IL13RA1: variants seen among roughly 807,000 people sequenced by gnomAD.
IL13RA1 encodes interleukin 13 receptor subunit alpha 1, also known as interleukin-13 receptor subunit alpha-1.
A neutral mutation model predicts 33.8 loss-of-function variants in IL13RA1; 14 were observed. The observed-to-expected ratio is 0.41, with a 90% CI of 0.27 to 0.65. The LOEUF is 0.65. Ranked by LOEUF, IL13RA1 falls within the 30% of genes least tolerant of loss-of-function variation. The probability of loss-of-function intolerance (pLI) is 0.28; values close to 1 mark genes in which losing one functional copy is unlikely to be tolerated. For missense variants in IL13RA1, 313 were observed against 327.0 expected (o/e 0.96, Z 0.33); for synonymous variants, 116 against 115.7 (o/e 1.00, Z -0.02).
chrX:118,727,849 T>G, intron 1 of IL13RA1, 123 bp downstream of exon 1: 1 of 269,953 alleles, frequency 3.7e-6, no homozygotes, highest in Non-Finnish European at 6.2e-6. Context: ...TGCTGGGGGC[T>G]GCCCTCGCGA....
the IL13RA1 span, among the ~76,000 whole-genome samples, chrX:118,802,130 A>G: frequency 1.9e-3 from 215 of 110,694 alleles, 1 homozygote; most frequent in Non-Finnish European, 3.6e-3. Flanking sequence ...GTTGCCGTAC[A>G]CTCTGCCTGC....
intron 9 of IL13RA1, among the ~76,000 whole-genome samples, chrX:118,775,345 A>G (rs1386233102): frequency 1.1e-4 from 12 of 111,336 alleles, no homozygotes; most frequent in African/African-American, 3.3e-4. Context: ...CACGCAGGCC[A>G]TGGCAAGGAA....
At position 118,749,745 on chromosome X, in the gene IL13RA1, C is replaced by A. The variant is rs201663916; in HGVS notation, c.455C>A (p.Thr152Asn). The A allele has an allele frequency of 1.1e-4, 128 of 1,157,807 alleles. No homozygotes were observed. Among genetic ancestry groups the A allele is most frequent in the Non-Finnish European group, 1.5e-4 (128 of 848,003 alleles). Residue 152 changes from threonine to asparagine, a missense_variant, in exon 4 of 11, where the codon ACC (threonine) becomes AAC (asparagine). Physicochemically the swap from Thr to Asn is moderately conservative, Grantham distance 65. Transcript: ENST00000371666. ...TGTTCTTGGCTCCCTGGAAGGAATACCAGTCCCGACACTAACTATACTCTC... is the reference window on the plus strand; with the variant it reads ...TGTTCTTGGCTCCCTGGAAGGAATAACAGTCCCGACACTAACTATACTCTC... ...MKCSWLPGRN[T>N]SPDTNYTLYY...
chrX:118,744,904 A>G (rs2017386564), intron 2 of IL13RA1, among the ~76,000 whole-genome samples: 1 of 111,968 alleles, frequency 8.9e-6, no homozygotes, highest in Non-Finnish European at 1.9e-5. Context: ...GATGTCTTCA[A>G]AGGGCAAATA....
chrX:118,769,662 A>G (rs1180703745), intron 8 of IL13RA1: 1 of 112,925 alleles, frequency 8.9e-6, no homozygotes, highest in Non-Finnish European at 1.9e-5. Context: ...AATAGTATTT[A>G]AAACTAGTTA....
At position 118,773,897 on chromosome X, in the gene IL13RA1, C is replaced by T. The variant is rs1322248112; in HGVS notation, c.1028C>T (p.Thr343Ile). The change falls in exon 9 of 11, where the codon ACA becomes ATA. Residue 343 changes from threonine (T) to isoleucine (I), a missense_variant. Coordinates refer to ENST00000371666, the MANE Select transcript of IL13RA1 (RefSeq NM_001560.3). ...TCTCCAGGTAAGAAGCGCAATTCCA[C>T]ACTCTACATAACCATGTTACTCATT... Reference protein sequence around the residue: ...EMSIGKKRNSTLYITMLLIVP... With the variant: ...EMSIGKKRNSILYITMLLIVP... 3 of 1,032,471 alleles carry T rather than the reference C, an allele frequency of 2.9e-6. No individual in the cohort carries two copies. In the East Asian group the frequency reaches 9.1e-5, roughly 31 times the overall value. 85.1% of individuals were successfully genotyped at this position (1,032,471 alleles called of 1,213,427 possible).
chrX:118,800,772 G>A, the IL13RA1 span, among the ~76,000 whole-genome samples: 3 of 110,557 alleles, frequency 2.7e-5, no homozygotes, highest in Non-Finnish European at 3.8e-5. Flanking sequence ...GCCCAGCTAA[G>A]TTTCATTCAT....
intron 10 of IL13RA1, among the ~76,000 whole-genome samples, chrX:118,781,020 C>T (rs962267035): frequency 7.2e-5 from 8 of 111,615 alleles, no homozygotes; most frequent in Non-Finnish European, 1.3e-4. Context: ...TAAAGTTACT[C>T]GTGTTTTGAT....
chrX:118,735,334 A>G (rs1014852258), intron 1 of IL13RA1, among the ~76,000 whole-genome samples: 2 of 109,552 alleles, frequency 1.8e-5, no homozygotes, highest in Non-Finnish European at 3.8e-5. Context: ...AATCTTCATT[A>G]TTTCCTTCCT....
Position 118,752,745 on chromosome X carries a change from A to G in IL13RA1, c.488+2967A>G, listed in dbSNP as rs180720056. ...GTTGTGAATGTTTGGTAGGATCCAAAGCTAGAGAATATTCAGGGTTGCGGT... is the reference window on the plus strand; with the variant it reads ...GTTGTGAATGTTTGGTAGGATCCAAGGCTAGAGAATATTCAGGGTTGCGGT... On this transcript the variant is annotated intron_variant, in intron 4 of 10. Coordinates refer to ENST00000371666, the MANE Select transcript of IL13RA1 (RefSeq NM_001560.3). Among the ~76,000 whole-genome samples, 24 of 112,447 alleles carry G rather than the reference A, an allele frequency of 2.1e-4. No homozygotes were observed. The East Asian group carries it at 5.6e-3, about 26-fold the overall frequency.
At chrX:118,730,827 G>C (rs764892989) in intron 1 of IL13RA1, among the ~76,000 whole-genome samples, 1 of 112,063 alleles carries the variant, frequency 8.9e-6, no homozygotes, top group East Asian at 2.8e-4. Flanking sequence ...GGGCACAACA[G>C]AGCATATTTG....
At chrX:118,803,052 C>G in the IL13RA1 span, among the ~76,000 whole-genome samples, 1 of 112,335 alleles carries the variant, frequency 8.9e-6, no homozygotes, top group Non-Finnish European at 1.9e-5. Context: ...TGTTCCAAGC[C>G]TTTCTTAACT....
chrX:118,761,272 A>G lies in IL13RA1; in HGVS notation c.811A>G (p.Thr271Ala), dbSNP rs1358224013. 2.9e-6 allele frequency: 3 copies of G among 1,033,817 alleles called. No individual in the cohort carries two copies. Among genetic ancestry groups the G allele is most frequent in the East Asian group, 3.2e-5 (1 of 31,478 alleles). The allele number at this position is 1,033,817 out of a possible 1,213,427, so 85.2% of individuals were successfully genotyped here. Residue 271 changes from threonine (T) to alanine (A), a missense_variant, in exon 6 of 11, where the codon ACA (threonine) becomes GCA (alanine). Physicochemically the swap from Thr to Ala is moderately conservative, Grantham distance 58. Coordinates refer to ENST00000371666, the MANE Select transcript of IL13RA1 (RefSeq NM_001560.3). ...EVEVNNSQTE[T>A]HNVFYVQEAK... ...AGAAGTCAATAACAGCCAAACTGAG[A>G]CACATAATGTTTTCTACGTAAGGTT...
intron 2 of IL13RA1, among the ~76,000 whole-genome samples, chrX:118,741,575 A>G (rs2017344757): frequency 9.0e-6 from 1 of 111,597 alleles, no homozygotes; most frequent in Admixed American, 9.6e-5. Context: ...TGTAAAAGTA[A>G]ACGGCCATAT....
chrX:118,731,257 G>A (rs922854199), intron 1 of IL13RA1, among the ~76,000 whole-genome samples: 1 of 111,371 alleles, frequency 9.0e-6, no homozygotes, highest in Non-Finnish European at 1.9e-5. Flanking sequence ...CAAAGGCCAG[G>A]GACACATATC....
intron 1 of IL13RA1, among the ~76,000 whole-genome samples, chrX:118,735,983 C>T (rs757057018): frequency 9.0e-6 from 1 of 111,378 alleles, no homozygotes; most frequent in African/African-American, 3.3e-5. Context: ...TTCTGTTCCT[C>T]GGACTCAATA....
intron 10 of IL13RA1, among the ~76,000 whole-genome samples, chrX:118,783,500 A>C (rs2017868442): frequency 8.9e-6 from 1 of 111,774 alleles, no homozygotes; most frequent in African/African-American, 3.3e-5. Context: ...TCATAGAAGC[A>C]GTACTCAGGA....
the IL13RA1 span, among the ~76,000 whole-genome samples, chrX:118,805,205 T>C: frequency 8.9e-6 from 1 of 112,431 alleles, no homozygotes; most frequent in Non-Finnish European, 1.9e-5. Flanking sequence ...CTGCACCTGA[T>C]TAAAGCCTTC....
chrX:118,754,525 T>C (rs1370208513), intron 4 of IL13RA1, among the ~76,000 whole-genome samples: 3 of 109,474 alleles, frequency 2.7e-5, no homozygotes, highest in Admixed American at 9.7e-5. Context: ...TAGTCCCAGC[T>C]ACTCAGGAGG....
Sources: gnomAD v4.1 joint callset for allele counts (sites outside exome capture counted in the v4.1 genomes callset) on GRCh38, gnomAD v4.1.1 for gene constraint, MANE v1.5 for transcripts, NCBI Gene and HGNC (gene_info 2026-07-23, HGNC 2026-07-21) for gene names.